TXNDC9: variants seen among roughly 807,000 people sequenced by gnomAD.
TXNDC9 encodes the protein thioredoxin domain-containing protein 9.
In TXNDC9, 7 loss-of-function variants were observed where a neutral mutation model predicts 23.0. The ratio of observed to expected loss-of-function variants is 0.30; its 90% confidence interval spans 0.17 to 0.57. The LOEUF is 0.57. TXNDC9 is among the 20% of genes least tolerant of loss of function. The pLI is 0.90. For synonymous variants in TXNDC9, 72 were observed against 90.6 expected (o/e 0.79, Z 1.17); for missense variants, 198 against 252.6 (o/e 0.78, Z 1.47).
At chr2:99,308,804 C>T in the TXNDC9 span, among the ~76,000 whole-genome samples, 31 of 152,098 alleles carry the variant, frequency 2.0e-4, no homozygotes, top group African/African-American at 5.1e-4. Context: ...CTCCGCCTCC[C>T]GGGTTCATGC....
intron 1 of TXNDC9, among the ~76,000 whole-genome samples, chr2:99,334,249 G>A (rs1210540753): frequency 6.6e-6 from 1 of 151,780 alleles, no homozygotes; most frequent in Non-Finnish European, 1.5e-5. Flanking sequence ...TACTAGGGAG[G>A]CTGAAGTGGG....
intron 2 of TXNDC9, among the ~76,000 whole-genome samples, chr2:99,328,203 C>T (rs2094217250): frequency 6.6e-6 from 1 of 151,908 alleles, no homozygotes; most frequent in Non-Finnish European, 1.5e-5. Context: ...TCAAGAGATC[C>T]TCCTACGTCA....
At chr2:99,326,704 A>C (rs2094213420) in intron 3 of TXNDC9, among the ~76,000 whole-genome samples, 1 of 152,194 alleles carries the variant, frequency 6.6e-6, no homozygotes, top group Non-Finnish European at 1.5e-5. Flanking sequence ...GGGTGGTCTA[A>C]GAAAAATCAC....
downstream of TXNDC9, among the ~76,000 whole-genome samples, chr2:99,315,975 GC>G (rs2094187997): frequency 6.6e-6 from 1 of 151,890 alleles, no homozygotes; most frequent in South Asian, 2.1e-4. Context: ...GTCAATTTTT[GC>G]AAAAAGGTAT....
At chr2:99,335,627 AAGG>A (rs1408541777) in intron 1 of TXNDC9, among the ~76,000 whole-genome samples, 2 of 152,174 alleles carry the variant, frequency 1.3e-5, no homozygotes, top group South Asian at 2.1e-4. Flanking sequence ...AGGGGGCTGG[AAGG>A]AGAAGATAAT....
In TXNDC9 at chr2:99,319,172, T is replaced by C. The variant is rs1008242570; in HGVS notation, c.*510A>G. 3.3e-5 allele frequency: 5 copies of C among 152,298 alleles called. No individual in the cohort carries two copies. The highest frequency in any genetic ancestry group is 1.2e-4 in the African/African-American group (5 of 41,452). 9.4% of individuals were successfully genotyped at this position (152,298 alleles called of 1,614,324 possible). A position where few individuals can be genotyped will look rare whatever the true frequency, so the allele number is the denominator to read the frequency against. Reference sequence around the variant, plus strand: ...AAGGCAGTATGTTCACAAATCAAAATAGCTTTCTGCTGGCATCAGTTGATT... The same window carrying C: ...AAGGCAGTATGTTCACAAATCAAAACAGCTTTCTGCTGGCATCAGTTGATT... On this transcript the variant is annotated 3_prime_UTR_variant, in exon 5 of 5. Coordinates refer to ENST00000264255, the MANE Select transcript of TXNDC9 (RefSeq NM_005783.4).
chr2:99,312,938 G>T, the TXNDC9 span, among the ~76,000 whole-genome samples: 1 of 152,078 alleles, frequency 6.6e-6, no homozygotes, highest in Non-Finnish European at 1.5e-5. Flanking sequence ...CGAGGCAGGA[G>T]GATCACCTGA....
chr2:99,306,444 AG>A, the TXNDC9 span, among the ~76,000 whole-genome samples: 1 of 152,216 alleles, frequency 6.6e-6, no homozygotes, highest in Non-Finnish European at 1.5e-5. Context: ...AACAGCCTGT[AG>A]GAAGGCCTAA....
At chr2:99,318,257 A>T (rs981058977), downstream of TXNDC9, among the ~76,000 whole-genome samples, 4 of 151,880 alleles carry the variant, frequency 2.6e-5, no homozygotes, top group African/African-American at 9.7e-5. Flanking sequence ...ATACGCTCTT[A>T]ATTGCTCCCC....
intron 3 of TXNDC9, among the ~76,000 whole-genome samples, chr2:99,324,387 G>C (rs753884428): frequency 1.3e-5 from 2 of 151,966 alleles, no homozygotes; most frequent in African/African-American, 4.8e-5. Flanking sequence ...CTTTTTCCCC[G>C]GATATGTTTT....
chr2:99,331,837 C>T lies in TXNDC9; in HGVS notation c.189+1185G>A, dbSNP rs938025185. On this transcript the variant is annotated intron_variant, in intron 2 of 4. Coordinates refer to ENST00000264255, the MANE Select transcript of TXNDC9 (RefSeq NM_005783.4). ...CTCCACCTCCCGGGTTCAAGAGATT[C>T]TCCTGCCTCAGCCTCCTGAGTAGCT... Among the ~76,000 whole-genome samples the T allele has an allele frequency of 7.2e-5, 11 of 152,276 alleles. No homozygotes were observed. The East Asian group carries it at 1.6e-3, about 21-fold the overall frequency.
the TXNDC9 span, among the ~76,000 whole-genome samples, chr2:99,309,527 GA>G: frequency 6.6e-6 from 1 of 151,236 alleles, no homozygotes; most frequent in Admixed American, 6.6e-5. Context: ...AAAAAGAAAA[GA>G]AAAGAAAAAG....
downstream of TXNDC9, among the ~76,000 whole-genome samples, chr2:99,316,756 T>C (rs2094189971): frequency 3.9e-5 from 6 of 152,034 alleles, no homozygotes; most frequent in African/African-American, 1.4e-4. Flanking sequence ...TTTTATTTAT[T>C]TTATTTTATA....
At chr2:99,336,180 G>T in intron 1 of TXNDC9, 59 bp downstream of exon 1, 1 of 983,526 alleles carries the variant, frequency 1.0e-6, no homozygotes, top group Non-Finnish European at 1.2e-6. Flanking sequence ...TGGAGCAGCA[G>T]AATGTTCACC....
At chr2:99,319,905 C>G in intron 4 of TXNDC9, 106 bp from the exon 5 acceptor site, 1 of 702,312 alleles carries the variant, frequency 1.4e-6, no homozygotes, top group Non-Finnish European at 2.3e-6. Context: ...AATAAAATTT[C>G]TTTAAAATGC....
chr2:99,307,173 A>G, the TXNDC9 span, among the ~76,000 whole-genome samples: 15 of 145,620 alleles, frequency 1.0e-4, no homozygotes, highest in African/African-American at 3.5e-4. Flanking sequence ...CATTCCCAGA[A>G]AATGATGTGA....
chr2:99,328,694 G>T (rs1186737098), intron 2 of TXNDC9, among the ~76,000 whole-genome samples: 2 of 152,108 alleles, frequency 1.3e-5, no homozygotes, highest in African/African-American at 4.8e-5. Flanking sequence ...ATGCTCATGA[G>T]GCTGGGTGCA....
chr2:99,306,364 G>A, the TXNDC9 span, among the ~76,000 whole-genome samples: 1 of 152,194 alleles, frequency 6.6e-6, no homozygotes, highest in African/African-American at 2.4e-5. Flanking sequence ...GGACAAGCCA[G>A]GGACATGGTG....
downstream of TXNDC9, among the ~76,000 whole-genome samples, chr2:99,314,529 C>CTTTTT (rs55729391): frequency 8.1e-4 from 79 of 97,414 alleles, 15 homozygotes; most frequent in Admixed American, 2.0e-3. Flanking sequence ...AATACTACAC[C>CTTTTT]TTTTTTTTTT....
Sources: gnomAD v4.1 joint callset for allele counts (sites outside exome capture counted in the v4.1 genomes callset) on GRCh38, gnomAD v4.1.1 for gene constraint, MANE v1.5 for transcripts, NCBI Gene and HGNC (gene_info 2026-07-23, HGNC 2026-07-21) for gene names.